The following COMMD10 variants were observed in gnomAD, a reference collection of about 807,000 sequenced individuals.
The protein encoded by COMMD10 is COMM domain-containing protein 10.
A neutral mutation model predicts 28.9 loss-of-function variants in COMMD10; 33 were observed. The ratio of observed to expected loss-of-function variants is 1.14; its 90% CI spans 0.87 to 1.53. The LOEUF is 1.53. Ranked by LOEUF, COMMD10 falls within the 40% of genes most tolerant of loss-of-function variation. The probability of loss-of-function intolerance (pLI) is 0.00; values close to 1 mark genes in which losing one functional copy is unlikely to be tolerated. For synonymous variants in COMMD10, 110 were observed against 81.7 expected (o/e 1.35, Z -1.87); for missense variants, 310 against 233.4 (o/e 1.33, Z -2.14).
chr5:116,259,694 G>T (rs1408035812), intron 5 of COMMD10, among the ~76,000 whole-genome samples: 1 of 151,644 alleles, frequency 6.6e-6, no homozygotes, highest in East Asian at 1.9e-4. Flanking sequence ...TAACTGCAGG[G>T]CAAAAGAAGT....
chr5:116,123,843 T>C lies in COMMD10; in HGVS notation c.400-10225T>C, dbSNP rs189367019. Among the ~76,000 whole-genome samples, 288 of 152,286 alleles carry C rather than the reference T, an allele frequency of 1.9e-3. 3 individuals are homozygous for C. The highest frequency in any genetic ancestry group is 6.5e-3 in the African/African-American group (272 of 41,576). Reference sequence around the variant, plus strand: ...ATTTATCCATTTCTTCTAGATTTTCTAGTTTATTTGCATAGAGGTGTTTAT... The same window carrying C: ...ATTTATCCATTTCTTCTAGATTTTCCAGTTTATTTGCATAGAGGTGTTTAT... On this transcript the variant is annotated intron_variant, in intron 4 of 6. Coordinates refer to ENST00000274458, the MANE Select transcript of COMMD10 (RefSeq NM_016144.4).
At chr5:116,179,012 T>C (rs1334279552) in intron 5 of COMMD10, among the ~76,000 whole-genome samples, 1 of 152,122 alleles carries the variant, frequency 6.6e-6, no homozygotes, top group Non-Finnish European at 1.5e-5. Flanking sequence ...TGTTTTAAAA[T>C]GTAATACATC....
chr5:116,230,547 T>C (rs1393947384), intron 5 of COMMD10, among the ~76,000 whole-genome samples: 2 of 152,064 alleles, frequency 1.3e-5, no homozygotes, highest in Non-Finnish European at 2.9e-5. Flanking sequence ...ATCACGATGT[T>C]AGTGAAAATT....
intron 5 of COMMD10, among the ~76,000 whole-genome samples, chr5:116,178,460 G>A (rs564620541): frequency 8.6e-5 from 13 of 152,012 alleles, no homozygotes; most frequent in South Asian, 2.1e-4. Flanking sequence ...TCAAATTAAC[G>A]GATAATAAAG....
intron 4 of COMMD10, among the ~76,000 whole-genome samples, chr5:116,098,147 T>C (rs994077977): frequency 1.3e-5 from 2 of 152,246 alleles, no homozygotes; most frequent in African/African-American, 4.8e-5. Context: ...TCTTATTCCT[T>C]TTATATCATG....
chr5:116,119,014 G>A (rs1440415749), intron 4 of COMMD10, among the ~76,000 whole-genome samples: 1 of 152,192 alleles, frequency 6.6e-6, no homozygotes, highest in East Asian at 1.9e-4. Flanking sequence ...TACTTTTTCA[G>A]AGTGTTGCCA....
Position 116,252,223 on chromosome 5 carries a change from C to T in COMMD10, c.511-39294C>T, listed in dbSNP as rs368447066. 5.0e-3 allele frequency among the ~76,000 whole-genome samples: 703 copies of T among 140,174 alleles called. 9 individuals carry two copies. The highest frequency in any genetic ancestry group is 7.7e-3 in the Admixed American group (106 of 13,782). The allele number at this position is 140,174 out of a possible 152,430, so 92.0% of individuals were successfully genotyped here. On this transcript the variant is annotated intron_variant, in intron 5 of 6. Transcript: ENST00000274458. ...AGCCCTTTGTCAGATGAGTAGGTTGCGAAAATTTTCTCCCATTTTGTAGGC... is the reference window on the plus strand; with the variant it reads ...AGCCCTTTGTCAGATGAGTAGGTTGTGAAAATTTTCTCCCATTTTGTAGGC...
At chr5:116,145,151 T>G (rs1752305292) in intron 5 of COMMD10, among the ~76,000 whole-genome samples, 2 of 151,830 alleles carry the variant, frequency 1.3e-5, no homozygotes, top group African/African-American at 4.8e-5. Context: ...ATGGGGCGGT[T>G]CTAGTAGGTT....
chr5:116,229,362 G>A (rs1212285428), intron 5 of COMMD10, among the ~76,000 whole-genome samples: 1 of 151,926 alleles, frequency 6.6e-6, no homozygotes, highest in East Asian at 1.9e-4. Context: ...ATCCTAGCAG[G>A]ATCAACATTG....
At chr5:116,195,790 C>T (rs577268787) in intron 5 of COMMD10, among the ~76,000 whole-genome samples, 2 of 152,106 alleles carry the variant, frequency 1.3e-5, no homozygotes, top group Non-Finnish European at 2.9e-5. Context: ...ATAGACAATT[C>T]TCAAAAGAAA....
intron 4 of COMMD10, among the ~76,000 whole-genome samples, chr5:116,122,794 A>G (rs1023211333): frequency 1.3e-5 from 2 of 152,162 alleles, no homozygotes; most frequent in African/African-American, 4.8e-5. Flanking sequence ...TTATTGGCAT[A>G]TAGAAATGCT....
chr5:116,158,920 G>A (rs772334080), intron 5 of COMMD10, among the ~76,000 whole-genome samples: 2 of 151,236 alleles, frequency 1.3e-5, no homozygotes, highest in Non-Finnish European at 2.9e-5. Flanking sequence ...CAAGTAACAG[G>A]TGCTAACATC....
At chr5:116,153,669 T>G (rs1752610648) in intron 5 of COMMD10, among the ~76,000 whole-genome samples, 1 of 152,038 alleles carries the variant, frequency 6.6e-6, no homozygotes, top group South Asian at 2.1e-4. Flanking sequence ...CTGAAAATAA[T>G]TTGCAGCTTA....
At chr5:116,228,683 G>T (rs72804900) in intron 5 of COMMD10, among the ~76,000 whole-genome samples, 7,961 of 151,970 alleles carry the variant, frequency 0.052, 286 homozygotes, top group East Asian at 0.14. Flanking sequence ...TATTAGGATT[G>T]TAAATGAAAA....
Position 116,240,074 on chromosome 5 carries a change from A to G in COMMD10, c.511-51443A>G, listed in dbSNP as rs77677313. On this transcript the variant is annotated intron_variant, in intron 5 of 6. Transcript: ENST00000274458. ...TTTATAAAAGTGAGCACAAGGACAGACAGGCAGAAAATAGTAGATCACTAT... is the reference window on the plus strand; with the variant it reads ...TTTATAAAAGTGAGCACAAGGACAGGCAGGCAGAAAATAGTAGATCACTAT... Among the ~76,000 whole-genome samples the G allele has an allele frequency of 2.5e-3, 376 of 152,294 alleles. 2 individuals are homozygous for G. Among genetic ancestry groups the G allele is most frequent in the African/African-American group, 8.8e-3 (365 of 41,566 alleles).
At chr5:116,222,599 A>C (rs1049436922) in intron 5 of COMMD10, among the ~76,000 whole-genome samples, 15 of 152,218 alleles carry the variant, frequency 9.9e-5, no homozygotes, top group African/African-American at 3.6e-4. Flanking sequence ...CAGAAAGATA[A>C]TCTTACAAGA....
chr5:116,156,390 A>G (rs954651696), intron 5 of COMMD10, among the ~76,000 whole-genome samples: 4 of 152,182 alleles, frequency 2.6e-5, no homozygotes, highest in Non-Finnish European at 5.9e-5. Flanking sequence ...TGGAAATTAA[A>G]TATGACAGCA....
intron 5 of COMMD10, among the ~76,000 whole-genome samples, chr5:116,141,966 T>C (rs573915094): frequency 1.6e-4 from 25 of 151,994 alleles, no homozygotes; most frequent in African/African-American, 6.0e-4. Flanking sequence ...TAATATTGCC[T>C]GCCTTTTTTT....
chr5:116,268,396 A>G (rs1750660251), intron 5 of COMMD10, among the ~76,000 whole-genome samples: 1 of 151,922 alleles, frequency 6.6e-6, no homozygotes, highest in Admixed American at 6.5e-5. Context: ...CAAAACCACA[A>G]TGAGATACCA....
Sources: gnomAD v4.1 joint callset for allele counts (sites outside exome capture counted in the v4.1 genomes callset) on GRCh38, gnomAD v4.1.1 for gene constraint, MANE v1.5 for transcripts, NCBI Gene and HGNC (gene_info 2026-07-23, HGNC 2026-07-21) for gene names.